The following MYT1L variants were observed in gnomAD, a reference collection of about 807,000 sequenced individuals.
MYT1L encodes the protein myelin transcription factor 1-like protein.
Under a neutral mutation model 126.7 loss-of-function variants are expected in MYT1L, and 12 were observed. The observed-to-expected ratio is 0.09, with a 90% confidence interval of 0.06 to 0.15. MYT1L has a LOEUF of 0.15. Among genes scored for constraint, MYT1L ranks in the 10% least tolerant of loss-of-function variants. MYT1L has a pLI of 1.00. For missense variants in MYT1L, 979 were observed against 1,585.2 expected, an observed-to-expected ratio of 0.62 and a Z score of 6.49; for synonymous variants, 541 against 604.2, an observed-to-expected ratio of 0.90 and a Z score of 1.53.
At chr2:2,236,643 C>A (rs927667118) in intron 2 of MYT1L, among the ~76,000 whole-genome samples, 10 of 151,834 alleles carry the variant, frequency 6.6e-5, no homozygotes, top group Non-Finnish European at 1.5e-4. Flanking sequence ...CCAACCCAAC[C>A]CAGCACATCC....
chr2:2,111,371 A>G (rs1188296661), intron 3 of MYT1L, among the ~76,000 whole-genome samples: 3 of 152,152 alleles, frequency 2.0e-5, no homozygotes, highest in African/African-American at 7.2e-5. Context: ...GCACTCACAC[A>G]ACGTGCTGCT....
intron 9 of MYT1L, among the ~76,000 whole-genome samples, chr2:1,941,990 T>G (rs189873215): frequency 9.8e-4 from 150 of 152,298 alleles, no homozygotes; most frequent in African/African-American, 3.4e-3. Flanking sequence ...ACCCACTGGC[T>G]GAAACAACTA....
At chr2:1,822,302 A>G (rs1230313720) in intron 21 of MYT1L, among the ~76,000 whole-genome samples, 3 of 152,164 alleles carry the variant, frequency 2.0e-5, no homozygotes, top group Non-Finnish European at 4.4e-5. Context: ...TAGTGTTTTA[A>G]GATTTAGTGG....
chr2:1,891,713 C>T (rs1573290177), intron 15 of MYT1L, among the ~76,000 whole-genome samples: 1 of 152,334 alleles, frequency 6.6e-6, no homozygotes. Context: ...TGTGCGGTCA[C>T]TGGAGACCAC....
intron 3 of MYT1L, among the ~76,000 whole-genome samples, chr2:2,104,371 T>C (rs1186006440): frequency 6.6e-6 from 1 of 152,228 alleles, no homozygotes; most frequent in African/African-American, 2.4e-5. Flanking sequence ...GGTACTGCAG[T>C]CAACCACATA....
rs1324497967 is a variant in MYT1L, at chr2:2,224,504, A to G, written c.-420-51516T>C. Among the ~76,000 whole-genome samples the G allele has an allele frequency of 6.6e-6, 1 of 152,164 alleles. No homozygotes were observed. The highest frequency in any genetic ancestry group is 2.4e-5 in the African/African-American group (1 of 41,450). ...TCAGCCTCATCGCACCCCATGCCAT[A>G]ACTATTTTTCCCATTAAGAAAATAA... is the stretch of plus-strand genomic sequence containing the variant. On this transcript the variant is annotated intron_variant, in intron 2 of 24. Transcript: ENST00000647738. This position sits in a 1 kb window ranked among gnomAD's most constrained non-coding sequence, Gnocchi z 4.0.
chr2:2,235,857 A>G (rs1244935766), intron 2 of MYT1L, among the ~76,000 whole-genome samples: 1 of 152,192 alleles, frequency 6.6e-6, no homozygotes, highest in Non-Finnish European at 1.5e-5. Context: ...TTTCTCTAGC[A>G]TCAAGAAAAT....
intron 11 of MYT1L, among the ~76,000 whole-genome samples, chr2:1,914,848 T>C (rs1213940632): frequency 6.6e-6 from 1 of 152,228 alleles, no homozygotes; most frequent in Non-Finnish European, 1.5e-5. Context: ...ACCACTGTCT[T>C]TTCCATGCCC....
chr2:1,806,874 A>G lies in MYT1L; in HGVS notation c.3172+2202T>C, dbSNP rs75124418. 6.6e-6 allele frequency among the ~76,000 whole-genome samples: 1 copy of G among 152,216 alleles called. No individual in the cohort carries two copies. The highest frequency in any genetic ancestry group is 1.5e-5 in the Non-Finnish European group (1 of 68,032). On this transcript the variant is annotated intron_variant, in intron 22 of 24. Transcript: ENST00000647738. The surrounding 1 kb of genome is among the most constrained non-coding windows in gnomAD (Gnocchi z 4.9). ...TGTCTAAGGATTTCCACTTTAATCC[A>G]GGGTTATTCGGGGGTGAAATGCCCT...
At chr2:1,938,784 C>T (rs1365203154) in intron 9 of MYT1L, among the ~76,000 whole-genome samples, 1 of 152,260 alleles carries the variant, frequency 6.6e-6, no homozygotes, top group South Asian at 2.1e-4. Context: ...ATTAAATATG[C>T]CTATTGGAAA....
intron 3 of MYT1L, among the ~76,000 whole-genome samples, chr2:2,082,403 C>G (rs910385956): frequency 6.6e-6 from 1 of 152,148 alleles, no homozygotes; most frequent in Non-Finnish European, 1.5e-5. Context: ...GAAAAACAGT[C>G]TCATTTCTTC....
At chr2:2,254,524 C>T (rs1374739778) in intron 2 of MYT1L, among the ~76,000 whole-genome samples, 1 of 152,180 alleles carries the variant, frequency 6.6e-6, no homozygotes, top group Non-Finnish European at 1.5e-5. Context: ...CTCCTGTCTC[C>T]TTATCTGCAC....
In MYT1L at chr2:1,882,334, G is replaced by A. The variant is rs564384950; in HGVS notation, c.2711+4205C>T. 4.6e-5 allele frequency among the ~76,000 whole-genome samples: 7 copies of A among 152,052 alleles called. No homozygotes were observed. In the East Asian group the frequency reaches 5.8e-4, roughly 13 times the overall value. On this transcript the variant is annotated intron_variant, in intron 18 of 24. Transcript: ENST00000647738. ...TCCCCCGAGACATTCCCATTCACGCGCATGGCTGATCACGTGCACCCGGGT... is the reference window on the plus strand; with the variant it reads ...TCCCCCGAGACATTCCCATTCACGCACATGGCTGATCACGTGCACCCGGGT...
At chr2:2,056,997 G>T (rs905608668) in intron 3 of MYT1L, among the ~76,000 whole-genome samples, 1 of 152,146 alleles carries the variant, frequency 6.6e-6, no homozygotes, top group Non-Finnish European at 1.5e-5. Context: ...AAAGAATACA[G>T]AGATCCCATG....
At chr2:2,065,830 A>ACACACACACACACACACG (rs1201784015) in intron 3 of MYT1L, among the ~76,000 whole-genome samples, 1 of 138,686 alleles carries the variant, frequency 7.2e-6, no homozygotes, top group East Asian at 2.1e-4. Flanking sequence ...TTATACACAC[A>ACACACACACACACACACG]CACACACACA....
chr2:1,964,738 G>A (rs2059209500), intron 8 of MYT1L, among the ~76,000 whole-genome samples: 1 of 152,166 alleles, frequency 6.6e-6, no homozygotes. Flanking sequence ...TGGGTACAAA[G>A]AGTGATCCTC....
chr2:2,047,690 G>A (rs538575380), intron 4 of MYT1L, among the ~76,000 whole-genome samples: 4 of 152,148 alleles, frequency 2.6e-5, no homozygotes, highest in Non-Finnish European at 5.9e-5. Context: ...AGCAGACAAC[G>A]AAGTCTACAT....
At chr2:2,137,237 T>A (rs931609727) in intron 3 of MYT1L, among the ~76,000 whole-genome samples, 11 of 152,136 alleles carry the variant, frequency 7.2e-5, no homozygotes, top group Non-Finnish European at 1.5e-4. Flanking sequence ...GTGGGAAGAA[T>A]CAATATCGTG....
intron 3 of MYT1L, among the ~76,000 whole-genome samples, chr2:2,076,386 T>C (rs143948826): frequency 1.3e-5 from 2 of 152,334 alleles, no homozygotes; most frequent in African/African-American, 4.8e-5. Flanking sequence ...TAGATCCCCT[T>C]GGCAGATGGT....
Sources: gnomAD v4.1 joint callset for allele counts (sites outside exome capture counted in the v4.1 genomes callset) on GRCh38, gnomAD v4.1.1 for gene constraint, Gnocchi (gnomAD v3.1) non-coding constraint, MANE v1.5 for transcripts, NCBI Gene and HGNC (gene_info 2026-07-23, HGNC 2026-07-21) for gene names.